MYO3A: variants seen among roughly 807,000 people sequenced by gnomAD.
MYO3A encodes the protein myosin IIIA.
In MYO3A, 180 loss-of-function variants were observed where a neutral mutation model predicts 192.7. That is an observed-to-expected ratio of 0.93 (90% CI 0.83 to 1.06). MYO3A has a LOEUF of 1.06. Ranked by LOEUF, MYO3A falls within the 50% of genes least tolerant of loss-of-function variation. The pLI, the probability that MYO3A is intolerant of heterozygous loss-of-function variation, is 0.00. For synonymous variants in MYO3A, 628 were observed against 645.3 expected (o/e 0.97, Z 0.41); for missense variants, 1,896 against 1,905.0 (o/e 1.00, Z 0.09).
At chr10:26,086,208 A>G (rs2176937) in intron 14 of MYO3A, among the ~76,000 whole-genome samples, 72,207 of 151,934 alleles carry the variant, frequency 0.48, 17,966 homozygotes, top group Middle Eastern at 0.59. Flanking sequence ...AGCAAGCACA[A>G]CAAAGCAGGA....
intron 6 of MYO3A, among the ~76,000 whole-genome samples, chr10:26,001,757 G>A (rs1489622891): frequency 6.6e-6 from 1 of 152,218 alleles, no homozygotes; most frequent in Non-Finnish European, 1.5e-5. Flanking sequence ...TGAGGCAGGA[G>A]GATTACTTGA....
At chr10:26,010,450 G>GTTTTTTTTTTTTTT (rs778349166) in intron 6 of MYO3A, among the ~76,000 whole-genome samples, 71 of 111,210 alleles carry the variant, frequency 6.4e-4, no homozygotes, top group East Asian at 5.9e-3. Flanking sequence ...CTAAGTAGTT[G>GTTTTTTTTTTTTTT]TTTTTTTTTT....
intron 2 of MYO3A, among the ~76,000 whole-genome samples, chr10:25,943,823 C>T (rs1588632323): frequency 7.5e-6 from 1 of 133,634 alleles, no homozygotes; most frequent in Non-Finnish European, 1.6e-5. Context: ...GGATTTGGTA[C>T]ATATAAGATC....
rs563974770 is a variant in MYO3A at position 26,010,205 on chromosome 10, T to TA, written c.509-6615_509-6614insA. ...GGAAAAGATCTAGATCCAGGAAGAC[T>TA]GGAGAGGATGGACTTCCAAGAGAAA... On this transcript the variant is annotated intron_variant, in intron 6 of 34. Transcript: ENST00000642920. 7.1e-3 allele frequency among the ~76,000 whole-genome samples: 1,060 copies of TA among 149,322 alleles called. 17 individuals carry two copies. Among genetic ancestry groups the TA allele is most frequent in the African/African-American group, 0.025 (997 of 39,262 alleles).
At chr10:26,075,637 TATATG>T (rs1179296695) in intron 14 of MYO3A, among the ~76,000 whole-genome samples, 4 of 145,320 alleles carry the variant, frequency 2.8e-5, no homozygotes, top group Non-Finnish European at 6.0e-5. Context: ...ATGTCTCTCA[TATATG>T]ATATATATGT....
intron 10 of MYO3A, among the ~76,000 whole-genome samples, chr10:26,064,544 G>T (rs1285489017): frequency 8.3e-6 from 1 of 120,898 alleles, no homozygotes; most frequent in East Asian, 2.1e-4. Flanking sequence ...GTAGTGACAT[G>T]ATCTGACATT....
chr10:26,199,678 C>T (rs1393192648), intron 32 of MYO3A, among the ~76,000 whole-genome samples: 1 of 151,986 alleles, frequency 6.6e-6, no homozygotes, highest in Non-Finnish European at 1.5e-5. Context: ...AACTTATATA[C>T]ACCATGTCCC....
At chr10:26,186,327 C>T (rs1842867556) in intron 31 of MYO3A, among the ~76,000 whole-genome samples, 1 of 145,926 alleles carries the variant, frequency 6.9e-6, no homozygotes, top group Non-Finnish European at 1.5e-5. Flanking sequence ...AGTGCATTGA[C>T]GTGATCTCAG....
chr10:26,096,242 A>T, intron 15 of MYO3A, 139 bp from the exon 16 acceptor site: 1 of 653,176 alleles, frequency 1.5e-6, no homozygotes. Flanking sequence ...AACAATAATG[A>T]CCACAGAAAG....
intron 14 of MYO3A, among the ~76,000 whole-genome samples, chr10:26,081,166 T>A (rs1333876819): frequency 1.4e-5 from 1 of 69,498 alleles, no homozygotes; most frequent in Non-Finnish European, 2.8e-5. Flanking sequence ...CCAGGGTGGG[T>A]AGGGAAGGAC....
At chr10:26,167,153 A>G (rs1477263234) in intron 27 of MYO3A, among the ~76,000 whole-genome samples, 3 of 152,214 alleles carry the variant, frequency 2.0e-5, no homozygotes, top group Non-Finnish European at 4.4e-5. Flanking sequence ...AATACCTACT[A>G]TCAGCCACAC....
chr10:26,164,968 T>G (rs975406707), intron 26 of MYO3A, among the ~76,000 whole-genome samples: 2 of 152,164 alleles, frequency 1.3e-5, no homozygotes, highest in African/African-American at 4.8e-5. Context: ...TAATAGGCAC[T>G]CCCTGGGGTT....
At chr10:25,999,094 T>G (rs925403564) in intron 6 of MYO3A, among the ~76,000 whole-genome samples, 1 of 152,102 alleles carries the variant, frequency 6.6e-6, no homozygotes, top group Non-Finnish European at 1.5e-5. Flanking sequence ...GAGACGGGGT[T>G]TCACCATATT....
At chr10:26,162,657 T>G (rs984133144) in intron 26 of MYO3A, among the ~76,000 whole-genome samples, 2 of 152,218 alleles carry the variant, frequency 1.3e-5, no homozygotes, top group African/African-American at 2.4e-5. Flanking sequence ...TTTGATGCAG[T>G]TTTATAGAAA....
At chr10:26,047,215 G>T (rs1033225158) in intron 10 of MYO3A, among the ~76,000 whole-genome samples, 3 of 151,850 alleles carry the variant, frequency 2.0e-5, no homozygotes, top group Non-Finnish European at 4.4e-5. Context: ...ACAAATATGT[G>T]TACTTAAATA....
intron 17 of MYO3A, 125 bp from the exon 18 acceptor site, chr10:26,120,551 C>T: frequency 7.9e-7 from 1 of 1,269,748 alleles, no homozygotes; most frequent in East Asian, 2.3e-5. Context: ...AGTGTGGCGT[C>T]ATCATAGTCT....
At chr10:26,158,544 T>C (rs572184461) in intron 26 of MYO3A, among the ~76,000 whole-genome samples, 1 of 152,256 alleles carries the variant, frequency 6.6e-6, no homozygotes, top group African/African-American at 2.4e-5. Context: ...CGTGAGCCAC[T>C]GCGCCCAGCC....
chr10:25,939,556 CT>C (rs1264877199), intron 2 of MYO3A, among the ~76,000 whole-genome samples: 1 of 151,684 alleles, frequency 6.6e-6, no homozygotes, highest in African/African-American at 2.4e-5. Context: ...TATGTTTACT[CT>C]TTGACTTTTA....
chr10:26,102,070 A>G (rs1251511240), intron 17 of MYO3A, among the ~76,000 whole-genome samples: 1 of 152,082 alleles, frequency 6.6e-6, no homozygotes, highest in Non-Finnish European at 1.5e-5. Flanking sequence ...ACATCATCCC[A>G]TATTTCTTGG....
Sources: allele counts gnomAD v4.1 joint callset (sites outside exome capture counted in the v4.1 genomes callset), GRCh38; gene constraint gnomAD v4.1.1; transcripts MANE v1.5; gene names NCBI Gene and HGNC (gene_info 2026-07-23, HGNC 2026-07-21).